Variants in SAMD12 observed in about 807,000 individuals in gnomAD.
SAMD12 encodes the protein sterile alpha motif domain containing 12, also known as sterile alpha motif domain-containing protein 12.
Under a neutral mutation model 15.0 loss-of-function variants are expected in SAMD12, and 9 were observed. The ratio of observed to expected loss-of-function variants is 0.60; its 90% CI spans 0.36 to 1.05. The LOEUF is 1.05. Among genes scored for constraint, SAMD12 ranks in the 50% least tolerant of loss-of-function variants. The probability of loss-of-function intolerance (pLI) is 0.01; values close to 1 mark genes in which losing one functional copy is unlikely to be tolerated. For synonymous variants in SAMD12, 86 were observed against 90.1 expected, an observed-to-expected ratio of 0.96 and a Z score of 0.25; for missense variants, 230 against 234.2, an observed-to-expected ratio of 0.98 and a Z score of 0.12.
At chr8:118,438,420 A>T (rs75223886) in intron 3 of SAMD12, among the ~76,000 whole-genome samples, 3,181 of 151,504 alleles carry the variant, frequency 0.021, 104 homozygotes, top group African/African-American at 0.071. Context: ...TTTAAAAAAA[A>T]TTTTTTTTAA....
chr8:118,141,014 T>C, the SAMD12 span, among the ~76,000 whole-genome samples: 6,216 of 152,308 alleles, frequency 0.041, 408 homozygotes, highest in African/African-American at 0.14. Flanking sequence ...CAGCATAGCT[T>C]AGACTATCTT....
chr8:118,587,309 C>T (rs1161059302), intron 1 of SAMD12, among the ~76,000 whole-genome samples: 2 of 152,238 alleles, frequency 1.3e-5, no homozygotes, highest in Non-Finnish European at 2.9e-5. Flanking sequence ...ATTATAGGTG[C>T]TTCATTTATT....
At chr8:118,538,870 G>A (rs1158726869) in intron 2 of SAMD12, among the ~76,000 whole-genome samples, 1 of 152,134 alleles carries the variant, frequency 6.6e-6, no homozygotes, top group Non-Finnish European at 1.5e-5. Context: ...TTTGTGTATA[G>A]TATATAAGGC....
At chr8:118,571,445 G>A (rs79677731) in intron 2 of SAMD12, among the ~76,000 whole-genome samples, 6 of 152,320 alleles carry the variant, frequency 3.9e-5, no homozygotes, top group Admixed American at 3.3e-4. Context: ...CATAACTAAC[G>A]AGGAAGGAAA....
At chr8:118,208,993 T>A (rs901288365) in intron 4 of SAMD12, among the ~76,000 whole-genome samples, 1 of 152,220 alleles carries the variant, frequency 6.6e-6, no homozygotes, top group Non-Finnish European at 1.5e-5. Context: ...AAAGGCTTCA[T>A]AAACATTCTG....
intron 4 of SAMD12, among the ~76,000 whole-genome samples, chr8:118,301,280 T>C (rs1001284414): frequency 7.2e-5 from 11 of 152,226 alleles, no homozygotes; most frequent in Non-Finnish European, 1.3e-4. Context: ...TATGTTATTA[T>C]ACAACTGTGA....
chr8:118,474,531 C>T (rs1298168436), intron 2 of SAMD12, among the ~76,000 whole-genome samples: 1 of 151,290 alleles, frequency 6.6e-6, no homozygotes, highest in Admixed American at 6.6e-5. Flanking sequence ...CAGGCACCTG[C>T]CACCATGCCC....
At chr8:118,381,274 G>C (rs1043783142) in intron 3 of SAMD12, among the ~76,000 whole-genome samples, 1 of 152,136 alleles carries the variant, frequency 6.6e-6, no homozygotes, top group Admixed American at 6.6e-5. Flanking sequence ...CATTTGTAAG[G>C]GGAATCCTAC....
At chr8:118,547,846 C>A (rs1191525251) in intron 2 of SAMD12, among the ~76,000 whole-genome samples, 1 of 152,134 alleles carries the variant, frequency 6.6e-6, no homozygotes, top group Non-Finnish European at 1.5e-5. Flanking sequence ...TGTGTTAATT[C>A]TATTTTTTTC....
At chr8:118,273,093 T>C (rs1261048117) in intron 4 of SAMD12, among the ~76,000 whole-genome samples, 7 of 152,210 alleles carry the variant, frequency 4.6e-5, no homozygotes, top group Admixed American at 3.9e-4. Flanking sequence ...AAGACATACC[T>C]GAGACTGGGT....
intron 2 of SAMD12, among the ~76,000 whole-genome samples, chr8:118,465,849 T>C (rs1823580315): frequency 1.3e-5 from 2 of 152,142 alleles, no homozygotes; most frequent in African/African-American, 4.8e-5. Flanking sequence ...AGTGAGGCAG[T>C]CCTGGGGATA....
intron 2 of SAMD12, among the ~76,000 whole-genome samples, chr8:118,573,931 C>T (rs1381939262): frequency 3.3e-5 from 5 of 152,180 alleles, no homozygotes; most frequent in South Asian, 4.1e-4. Context: ...ACTAGATCAT[C>T]GCTTTCAAAT....
At chr8:118,281,448 C>T (rs1813645931) in intron 4 of SAMD12, among the ~76,000 whole-genome samples, 2 of 152,204 alleles carry the variant, frequency 1.3e-5, no homozygotes, top group African/African-American at 2.4e-5. Context: ...TGTCATCTAA[C>T]ACAGTGCTGA....
intron 2 of SAMD12, among the ~76,000 whole-genome samples, chr8:118,570,351 AC>A (rs1223514373): frequency 4.0e-5 from 6 of 151,646 alleles, no homozygotes; most frequent in African/African-American, 1.5e-4. Context: ...CCAATCCTCT[AC>A]CCCCTCCCAT....
the SAMD12 span, among the ~76,000 whole-genome samples, chr8:118,154,665 C>T: frequency 3.3e-5 from 5 of 152,034 alleles, no homozygotes; most frequent in Admixed American, 2.6e-4. Context: ...TAGTATACAC[C>T]AAGAATCTAT....
chr8:118,540,695 G>C (rs1341274173), intron 2 of SAMD12, among the ~76,000 whole-genome samples: 3 of 124,138 alleles, frequency 2.4e-5, no homozygotes, highest in African/African-American at 5.5e-5. Flanking sequence ...CATTGCAACT[G>C]GCCATAAAAA....
intron 4 of SAMD12, among the ~76,000 whole-genome samples, chr8:118,220,227 C>T (rs967114845): frequency 3.3e-5 from 5 of 152,160 alleles, no homozygotes; most frequent in South Asian, 2.1e-4. Flanking sequence ...GTTCCATCGT[C>T]GTGCTATTCA....
chr8:118,428,924 G>A (rs192444885), intron 3 of SAMD12, among the ~76,000 whole-genome samples: 40 of 152,096 alleles, frequency 2.6e-4, no homozygotes, highest in African/African-American at 7.0e-4. Context: ...CTACTCTAAC[G>A]TCTTTGCACT....
At chr8:118,387,529 A>G (rs535935642) in intron 3 of SAMD12, among the ~76,000 whole-genome samples, 1 of 152,278 alleles carries the variant, frequency 6.6e-6, no homozygotes, top group East Asian at 1.9e-4. Flanking sequence ...GTTAAACACT[A>G]TCCTAGTAGC....
Sources: gnomAD v4.1 joint callset for allele counts (sites outside exome capture counted in the v4.1 genomes callset) on GRCh38, gnomAD v4.1.1 for gene constraint, MANE v1.5 for transcripts, NCBI Gene and HGNC (gene_info 2026-07-23, HGNC 2026-07-21) for gene names.